CCDC190: variants seen among roughly 807,000 people sequenced by gnomAD.
CCDC190 encodes coiled-coil domain containing 190.
A neutral mutation model predicts 13.1 loss-of-function variants in CCDC190; 10 were observed. The observed-to-expected ratio is 0.77, with a 90% CI of 0.47 to 1.30. The LOEUF is 1.30. Among genes scored for constraint, CCDC190 ranks in the 50% most tolerant of loss-of-function variants. CCDC190 has a pLI of 0.00. For missense variants in CCDC190, 375 were observed against 354.3 expected, an observed-to-expected ratio of 1.06 and a Z score of -0.47; for synonymous variants, 136 against 127.2, an observed-to-expected ratio of 1.07 and a Z score of -0.47.
upstream of CCDC190, among the ~76,000 whole-genome samples, chr1:162,866,154 AG>A (rs1189324013): frequency 6.6e-6 from 1 of 152,210 alleles, no homozygotes; most frequent in African/African-American, 2.4e-5. Context: ...AATGTTTTAT[AG>A]GGAGATTAAA....
upstream of CCDC190, among the ~76,000 whole-genome samples, chr1:162,862,371 C>G (rs888423152): frequency 2.0e-4 from 30 of 152,178 alleles, no homozygotes; most frequent in African/African-American, 7.0e-4. Flanking sequence ...GTGGCCAAAG[C>G]CATCCTAGTT....
In CCDC190 at chr1:162,855,199, C is replaced by A. The variant is rs1371983656; in HGVS notation, c.472G>T (p.Glu158Ter). 1.2e-6 allele frequency: 2 copies of A among 1,613,836 alleles called. No individual in the cohort carries two copies. Among genetic ancestry groups the A allele is most frequent in the Non-Finnish European group, 1.7e-6 (2 of 1,179,870 alleles). The stretch of plus-strand genomic sequence containing the variant: ...TTAGATGGATTCACAGAATCTTTCT[C>A]TTGGGCTTGTGGTTGCTCTTTTATG... ...CFIKEQPQAQ[E>*]KDSVNPSKDV... The change falls in exon 4 of 4, where the codon GAG becomes TAG. Residue 158 changes from glutamate (E) to a stop codon, truncating the protein, a stop_gained. Transcript: ENST00000367912. LOFTEE classifies it low-confidence loss of function (END_TRUNC).
At chr1:162,864,014 C>CAA (rs35670249), upstream of CCDC190, among the ~76,000 whole-genome samples, 105,641 of 140,276 alleles carry the variant, frequency 0.75, 41,700 homozygotes, top group Non-Finnish European at 0.89. Context: ...GACTCCATCT[C>CAA]AAAAAAAAAA....
chr1:162,855,591 A>G, intron 3 of CCDC190, 41 bp downstream of exon 3: 1 of 1,606,430 alleles, frequency 6.2e-7, no homozygotes, highest in Non-Finnish European at 8.5e-7. Flanking sequence ...GGGAAGAGAG[A>G]CTTAATGTCA....
Position 162,856,022 on chromosome 1 carries a change from G to A in CCDC190, c.188-267C>T, listed in dbSNP as rs74348845. 1,493 of 270,992 alleles carry A rather than the reference G, an allele frequency of 5.5e-3. 29 individuals are homozygous for A. Among genetic ancestry groups the A allele is most frequent in the East Asian group, 0.046 (602 of 13,122 alleles). The allele number at this position is 270,992 out of a possible 1,614,324, so 16.8% of individuals were successfully genotyped here. A position where few individuals can be genotyped will look rare whatever the true frequency, so the allele number is the denominator to read the frequency against. On this transcript the variant is annotated intron_variant, in intron 2 of 3. Transcript: ENST00000367912. ...AGAAGACAGCCATCTGTAAGCCAAG[G>A]AGAGAGGCCTGAAACAGAGCCTGCC...
upstream of CCDC190, among the ~76,000 whole-genome samples, chr1:162,863,384 C>T (rs1201760122): frequency 5.9e-5 from 9 of 151,932 alleles, no homozygotes; most frequent in Non-Finnish European, 1.2e-4. Flanking sequence ...TAAAGTAATT[C>T]ATGTATAGTA....
chr1:162,866,469 A>C (rs2102266703), intron 1 of CCDC190, among the ~76,000 whole-genome samples: 1 of 74,508 alleles, frequency 1.3e-5, no homozygotes, highest in African/African-American at 3.4e-5. Context: ...AAATGAGGAG[A>C]TATATCATGT....
intron 1 of CCDC190, among the ~76,000 whole-genome samples, chr1:162,859,964 A>G (rs77863683): frequency 2.1e-5 from 3 of 143,320 alleles, no homozygotes; most frequent in Non-Finnish European, 4.6e-5. Context: ...AACTCTTTGG[A>G]AAAAAAAAAA....
At chr1:162,856,318 G>A (rs888236050) in intron 2 of CCDC190, among the ~76,000 whole-genome samples, 2 of 152,222 alleles carry the variant, frequency 1.3e-5, no homozygotes, top group Admixed American at 1.3e-4. Flanking sequence ...CAGTTTTCCA[G>A]TGTTTGCGTA....
Position 162,851,212 on chromosome 1 carries a change from T to C in CCDC190, c.*3553A>G, listed in dbSNP as rs12565993. ...TTATTCTGTCTTCAGTGCCTGAATG[T>C]CTGACCCAGTAGGTGTGGTTGGAGG... On this transcript the variant is annotated 3_prime_UTR_variant, in exon 4 of 4. Transcript: ENST00000367912. The C allele has an allele frequency of 0.074, 11,205 of 151,974 alleles. 762 individuals carry two copies. Among genetic ancestry groups the C allele is most frequent in the East Asian group, 0.19 (990 of 5,176 alleles). The allele number at this position is 151,974 out of a possible 1,614,324, so 9.4% of individuals were successfully genotyped here.
chr1:162,861,600 C>T (rs1477150119), upstream of CCDC190, among the ~76,000 whole-genome samples: 3 of 152,278 alleles, frequency 2.0e-5, no homozygotes, highest in Admixed American at 2.0e-4. Context: ...TATTGCACAC[C>T]GTACTGACCT....
Position 162,853,337 on chromosome 1 carries a change from G to A in CCDC190, c.*1428C>T, listed in dbSNP as rs1185348224. ...CCCTCTATTTCCTTATCTGTAAAAT[G>A]GGGATAAAGAAAACTATTTTGCAAA... On this transcript the variant is annotated 3_prime_UTR_variant, in exon 4 of 4. Coordinates refer to ENST00000367912, the MANE Select transcript of CCDC190 (RefSeq NM_001394065.1). Among the ~76,000 whole-genome samples the A allele has an allele frequency of 6.6e-6, 1 of 152,186 alleles. No individual in the cohort carries two copies. The highest frequency in any genetic ancestry group is 2.4e-5 in the African/African-American group (1 of 41,448).
intron 1 of CCDC190, among the ~76,000 whole-genome samples, chr1:162,860,185 G>A (rs578008419): frequency 1.8e-4 from 28 of 152,256 alleles, no homozygotes; most frequent in African/African-American, 5.5e-4. Flanking sequence ...CAGGTGCTAT[G>A]CTAAAAGCTA....
chr1:162,860,759 A>G (rs1291059512), intron 1 of CCDC190, among the ~76,000 whole-genome samples: 1 of 151,986 alleles, frequency 6.6e-6, no homozygotes, highest in African/African-American at 2.4e-5. Context: ...GGGTTTCACC[A>G]TATTGGCCAG....
At chr1:162,864,432 G>C (rs1650629942), upstream of CCDC190, among the ~76,000 whole-genome samples, 1 of 152,052 alleles carries the variant, frequency 6.6e-6, no homozygotes, top group Non-Finnish European at 1.5e-5. Flanking sequence ...GCTACAAAAA[G>C]AAAGAAAGAG....
At chr1:162,866,225 C>G (rs1650698844) in intron 1 of CCDC190, among the ~76,000 whole-genome samples, 1 of 152,142 alleles carries the variant, frequency 6.6e-6, no homozygotes, top group African/African-American at 2.4e-5. Context: ...CTTTGGGAAG[C>G]TGAGGCAAGT....
In CCDC190 at chr1:162,859,444, G is replaced by C; in HGVS notation, c.187+16C>G. 1 of 1,609,332 alleles carries C rather than the reference G, an allele frequency of 6.2e-7. No homozygotes were observed. The highest frequency in any genetic ancestry group is 8.5e-7 in the Non-Finnish European group (1 of 1,177,618). ...TGCCTCTGGGGCATCCTCCTCACCAGTCCTGAAAGTCTTACCTTGCTGCAA... is the reference window on the plus strand; with the variant it reads ...TGCCTCTGGGGCATCCTCCTCACCACTCCTGAAAGTCTTACCTTGCTGCAA... On this transcript the variant is annotated intron_variant, in intron 2 of 3. Transcript: ENST00000367912.
chr1:162,866,243 C>A (rs1650699737), intron 1 of CCDC190, among the ~76,000 whole-genome samples: 1 of 152,002 alleles, frequency 6.6e-6, no homozygotes. Flanking sequence ...AGTGGATCAC[C>A]TGAGGTTAAG....
chr1:162,867,236 C>A (rs1650739342), intron 1 of CCDC190, among the ~76,000 whole-genome samples: 1 of 151,956 alleles, frequency 6.6e-6, no homozygotes, highest in South Asian at 2.1e-4. Context: ...CTAAATAACA[C>A]CAACAACTTA....
Sources: gnomAD v4.1 joint callset for allele counts (sites outside exome capture counted in the v4.1 genomes callset) on GRCh38, gnomAD v4.1.1 for gene constraint, MANE v1.5 for transcripts, NCBI Gene and HGNC (gene_info 2026-07-23, HGNC 2026-07-21) for gene names.